Variants in NPRL3 observed in about 807,000 individuals in gnomAD.
NPRL3 encodes the protein GATOR1 complex protein NPRL3.
NPRL3 carries 23 observed loss-of-function variants against 57.2 expected under a neutral mutation model. The ratio of observed to expected loss-of-function variants is 0.40; its 90% CI spans 0.29 to 0.57. The LOEUF is 0.57. NPRL3 is among the 20% of genes least tolerant of loss of function. The pLI is 0.42. For synonymous variants in NPRL3, 333 were observed against 321.1 expected (o/e 1.04, Z -0.39); for missense variants, 691 against 767.1 (o/e 0.90, Z 1.17).
chr16:132,802 T>C (rs1211074330), intron 2 of NPRL3, among the ~76,000 whole-genome samples: 2 of 151,548 alleles, frequency 1.3e-5, no homozygotes, highest in African/African-American at 4.8e-5. Flanking sequence ...CCCAAGTAGC[T>C]GGGACTACAG....
intron 10 of NPRL3, 67 bp from the exon 11 acceptor site, chr16:92,792 A>G (rs1431068801): frequency 2.5e-6 from 4 of 1,585,234 alleles, no homozygotes; most frequent in South Asian, 1.1e-5. Flanking sequence ...CACTGGCCTC[A>G]GTGGGCAGCA....
intron 7 of NPRL3, among the ~76,000 whole-genome samples, chr16:107,276 C>T (rs575440469): frequency 1.3e-5 from 2 of 152,310 alleles, no homozygotes; most frequent in South Asian, 4.1e-4. Flanking sequence ...AACAGGCAGT[C>T]CAAGGTTTTG....
At chr16:110,016 C>T (rs1220359228) in intron 7 of NPRL3, among the ~76,000 whole-genome samples, 1 of 152,232 alleles carries the variant, frequency 6.6e-6, no homozygotes, top group Non-Finnish European at 1.5e-5. Flanking sequence ...GTGCTCACGC[C>T]AGTAATCCCA....
intron 2 of NPRL3, among the ~76,000 whole-genome samples, chr16:137,550 AC>A (rs1901159602): frequency 6.8e-6 from 1 of 146,820 alleles, no homozygotes; most frequent in African/African-American, 2.6e-5. Flanking sequence ...TGTTCACGTA[AC>A]TTTTTTTTTT....
intron 8 of NPRL3, among the ~76,000 whole-genome samples, chr16:99,550 G>T (rs796239479): frequency 3.4e-4 from 51 of 151,406 alleles, no homozygotes; most frequent in African/African-American, 1.2e-3. Flanking sequence ...GGCTGAGGCA[G>T]GAGAATCGCT....
At chr16:122,713 T>C (rs922827251) in intron 3 of NPRL3, among the ~76,000 whole-genome samples, 6 of 152,300 alleles carry the variant, frequency 3.9e-5, no homozygotes, top group African/African-American at 1.4e-4. Context: ...GGACCTTCTA[T>C]CACTGCCGAG....
chr16:108,063 C>G (rs565333840), intron 7 of NPRL3, among the ~76,000 whole-genome samples: 84 of 152,288 alleles, frequency 5.5e-4, no homozygotes, highest in Non-Finnish European at 9.1e-4. Flanking sequence ...CAGAAGGGGC[C>G]AGAAAACAAA....
rs1174585311 is a variant in NPRL3 at position 103,285 on chromosome 16, C to T, written c.630-2776G>A. ...CTGGGACTACAGACGTGCAACATCACGCCTGGGGTGATTTTTTTTTTTTTT... is the reference window on the plus strand; with the variant it reads ...CTGGGACTACAGACGTGCAACATCATGCCTGGGGTGATTTTTTTTTTTTTT... On this transcript the variant is annotated intron_variant, in intron 7 of 13. Coordinates refer to ENST00000611875, the MANE Select transcript of NPRL3 (RefSeq NM_001077350.3). 1.4e-4 allele frequency among the ~76,000 whole-genome samples: 6 copies of T among 43,644 alleles called. No homozygotes were observed. The East Asian group carries it at 1.8e-3, about 13-fold the overall frequency. 28.6% of individuals were successfully genotyped at this position (43,644 alleles called of 152,430 possible).
At chr16:127,903 C>T (rs568875512) in intron 3 of NPRL3, among the ~76,000 whole-genome samples, 1 of 152,242 alleles carries the variant, frequency 6.6e-6, no homozygotes, top group Admixed American at 6.5e-5. Flanking sequence ...GATCCGCCCG[C>T]CTTGGCCTCC....
intron 7 of NPRL3, among the ~76,000 whole-genome samples, chr16:105,994 C>T (rs1168334999): frequency 2.0e-5 from 3 of 152,180 alleles, no homozygotes; most frequent in Non-Finnish European, 4.4e-5. Context: ...TTCAGCCACA[C>T]CATAACCCTA....
intron 3 of NPRL3, chr16:126,946 T>A (rs1900546039): frequency 2.0e-5 from 3 of 152,186 alleles, no homozygotes; most frequent in African/African-American, 7.2e-5. Context: ...TCTTGGCTTG[T>A]GGCAATCTCT....
At chr16:109,520 G>T (rs923251428) in intron 7 of NPRL3, among the ~76,000 whole-genome samples, 9 of 152,128 alleles carry the variant, frequency 5.9e-5, no homozygotes, top group African/African-American at 2.2e-4. Context: ...TCAGTAAAAT[G>T]GCATTTTGCA....
At chr16:93,745 T>C (rs1898866769) in intron 9 of NPRL3, among the ~76,000 whole-genome samples, 1 of 152,138 alleles carries the variant, frequency 6.6e-6, no homozygotes, top group Non-Finnish European at 1.5e-5. Context: ...TTTGTATTTT[T>C]AGTAGAGACA....
At chr16:125,329 C>T (rs1424787540) in intron 3 of NPRL3, among the ~76,000 whole-genome samples, 3 of 152,154 alleles carry the variant, frequency 2.0e-5, no homozygotes, top group Non-Finnish European at 2.9e-5. Flanking sequence ...TCAGAATCCT[C>T]GAAGCTGAAG....
intron 5 of NPRL3, among the ~76,000 whole-genome samples, chr16:113,399 C>T (rs983807578): frequency 1.3e-5 from 2 of 152,210 alleles, no homozygotes; most frequent in Non-Finnish European, 2.9e-5. Context: ...AACCAGCAGG[C>T]TCCAGGCCCA....
chr16:133,174 C>G (rs1303630121), intron 2 of NPRL3, among the ~76,000 whole-genome samples: 3 of 152,208 alleles, frequency 2.0e-5, no homozygotes, highest in Non-Finnish European at 2.9e-5. Context: ...CTAAAACTTT[C>G]CATACCAGCA....
chr16:91,878 G>A (rs1898777671), intron 11 of NPRL3, among the ~76,000 whole-genome samples: 1 of 152,206 alleles, frequency 6.6e-6, no homozygotes, highest in South Asian at 2.1e-4. Context: ...CCAGAACTCA[G>A]TGGAGGGGAG....
Position 112,727 on chromosome 16 carries a change from G to A in NPRL3, c.442C>T (p.Arg148Cys), listed in dbSNP as rs201069648. 596 of 1,612,270 alleles carry A rather than the reference G, an allele frequency of 3.7e-4. No homozygotes were observed. Among genetic ancestry groups the A allele is most frequent in the Non-Finnish European group, 4.7e-4 (555 of 1,178,930 alleles). The part of the protein sequence containing the change: ...VINCLHNLSR[R>C]IATVLQHEER... ...TCGTGCTGCAGCACGGTGGCGATAC[G>A]ACGGGACAGGTTATGCAGACAGTTT... is the stretch of plus-strand genomic sequence containing the variant. The change falls in exon 6 of 14, where the codon CGT becomes TGT. Residue 148 changes from arginine to cysteine, a missense_variant. Transcript: ENST00000611875.
At chr16:89,467 G>T in intron 12 of NPRL3, 1 of 485,186 alleles carries the variant, frequency 2.1e-6, no homozygotes, top group Non-Finnish European at 3.6e-6. Flanking sequence ...TGATTTGCTG[G>T]GCTGGGAGCT....
Sources: allele counts gnomAD v4.1 joint callset (sites outside exome capture counted in the v4.1 genomes callset), GRCh38; gene constraint gnomAD v4.1.1; transcripts MANE v1.5; gene names NCBI Gene and HGNC (gene_info 2026-07-23, HGNC 2026-07-21).